The following DNAH10 variants were observed in gnomAD, a reference collection of about 807,000 sequenced individuals.
DNAH10 encodes dynein axonemal heavy chain 10.
DNAH10 carries 348 observed loss-of-function variants against 506.6 expected under a neutral mutation model. That is an observed-to-expected ratio of 0.69 (90% CI 0.63 to 0.75). DNAH10 has a LOEUF of 0.75. DNAH10 is among the 30% of genes least tolerant of loss of function. The pLI is 0.00. For synonymous variants in DNAH10, 2,059 were observed against 2,198.6 expected, an observed-to-expected ratio of 0.94 and a Z score of 1.78; for missense variants, 5,179 against 5,787.1, an observed-to-expected ratio of 0.89 and a Z score of 3.41.
In DNAH10 at chr12:123,835,389, C is replaced by CT. The variant is rs1250507236; in HGVS notation, c.4780-13dup. 2 of 1,611,782 alleles carry CT rather than the reference C, an allele frequency of 1.2e-6. No homozygotes were observed. Among genetic ancestry groups the CT allele is most frequent in the Non-Finnish European group, 1.7e-6 (2 of 1,178,932 alleles). On this transcript the variant is annotated splice_polypyrimidine_tract_variant and intron_variant, in intron 27 of 78. Transcript: ENST00000673944. ...TCTGATAACCCCTGCTGACACTGAC[C>CT]TTTTGTACATTTACAGATTTGGATG...
chr12:123,901,038 C>T (rs1193836664), intron 56 of DNAH10, among the ~76,000 whole-genome samples: 4 of 152,210 alleles, frequency 2.6e-5, no homozygotes, highest in Non-Finnish European at 5.9e-5. Flanking sequence ...GGGTGGAGTG[C>T]AAACAATCCT....
Position 123,903,230 on chromosome 12 carries a change from C to A in DNAH10, c.9815+117C>A. On this transcript the variant is annotated intron_variant, in intron 57 of 78. Transcript: ENST00000673944. This position sits in a 1 kb window ranked among gnomAD's most constrained non-coding sequence, Gnocchi z 4.6. Reference sequence around the variant, plus strand: ...GCCGATGCCACATGCTGCCACTGTGCCTGGCTCTCTCCATGGTGGAGACTG... The same window carrying A: ...GCCGATGCCACATGCTGCCACTGTGACTGGCTCTCTCCATGGTGGAGACTG... 7.7e-7 allele frequency: 1 copy of A among 1,306,084 alleles called. No individual in the cohort carries two copies. Among genetic ancestry groups the A allele is most frequent in the South Asian group, 1.5e-5 (1 of 64,666 alleles). 80.9% of individuals were successfully genotyped at this position (1,306,084 alleles called of 1,614,324 possible).
intron 25 of DNAH10, 65 bp from the exon 26 acceptor site, chr12:123,830,481 G>T: frequency 1.4e-6 from 2 of 1,434,722 alleles, no homozygotes; most frequent in Non-Finnish European, 1.9e-6. Flanking sequence ...TGATTTAAAT[G>T]GGAGTAATTG....
rs369267564 is a variant in DNAH10, at chr12:123,818,994, A to G, written c.3825A>G (p.Ile1275Met). 2.7e-5 allele frequency: 44 copies of G among 1,608,290 alleles called. No individual in the cohort carries two copies. Among genetic ancestry groups the G allele is most frequent in the Non-Finnish European group, 3.5e-5 (41 of 1,177,404 alleles). The change falls in exon 22 of 79, where the codon ATA becomes ATG. Residue 1275 changes from isoleucine to methionine, a missense_variant. Transcript: ENST00000673944. ...EKELVDKIESIWSNLFNDSVN... is the reference protein window; with the variant it reads ...EKELVDKIESMWSNLFNDSVN... ...AACTGGTTGATAAGATTGAGAGCAT[A>G]TGGTCCAATCTGTTTAATGATTCAG... is the stretch of plus-strand genomic sequence containing the variant.
intron 48 of DNAH10, among the ~76,000 whole-genome samples, 187 bp downstream of exon 48, chr12:123,878,095 A>G (rs940663380): frequency 1.7e-4 from 26 of 152,242 alleles, no homozygotes; most frequent in African/African-American, 6.3e-4. Context: ...AAGCCTTTGC[A>G]TTGAAACAGG....
rs1038110555 is a variant in DNAH10, at chr12:123,917,254, G to C, written c.11003-330G>C. On this transcript the variant is annotated intron_variant, in intron 63 of 78. Coordinates refer to ENST00000673944, the MANE Select transcript of DNAH10 (RefSeq NM_001372106.1). The surrounding 1 kb of genome is among the most constrained non-coding windows in gnomAD (Gnocchi z 5.6). ...ACTTCTGGGCTCAAGTGATCCTCCT[G>C]CCTCTGCCTCCCAAAGTGCTGGGAT... is the stretch of plus-strand genomic sequence containing the variant. Among the ~76,000 whole-genome samples, 2 of 152,064 alleles carry C rather than the reference G, an allele frequency of 1.3e-5. No homozygotes were observed. The highest frequency in any genetic ancestry group is 2.9e-5 in the Non-Finnish European group (2 of 68,034).
intron 14 of DNAH10, 76 bp from the exon 15 acceptor site, chr12:123,800,139 AC>A (rs1483057771): frequency 6.9e-7 from 1 of 1,440,776 alleles, no homozygotes; most frequent in Non-Finnish European, 9.4e-7. Context: ...TTTCATGTTC[AC>A]TTTTGGTGTG....
At chr12:123,763,887 A>G (rs1239749285) in intron 1 of DNAH10, among the ~76,000 whole-genome samples, 1 of 129,876 alleles carries the variant, frequency 7.7e-6, no homozygotes, top group Non-Finnish European at 1.6e-5. Flanking sequence ...TTTTTTTGAG[A>G]CAGAGTCTAG....
At chr12:123,908,519 T>G (rs543849281) in intron 57 of DNAH10, 2 of 456,154 alleles carry the variant, frequency 4.4e-6, no homozygotes, top group South Asian at 3.1e-5. Flanking sequence ...GAGACTCCTG[T>G]GGCTTTCACT....
At chr12:123,777,351 G>T (rs997746273) in intron 5 of DNAH10, among the ~76,000 whole-genome samples, 1 of 152,240 alleles carries the variant, frequency 6.6e-6, no homozygotes, top group Non-Finnish European at 1.5e-5. Context: ...ACTGAAGAAG[G>T]GAGGGGCCCG....
intron 24 of DNAH10, among the ~76,000 whole-genome samples, chr12:123,824,863 C>T (rs914125043): frequency 6.6e-6 from 1 of 152,088 alleles, no homozygotes; most frequent in African/African-American, 2.4e-5. Context: ...CTAACTACCT[C>T]TGCAAAGACC....
chr12:123,788,066 C>T (rs1957932811), intron 10 of DNAH10, 64 bp downstream of exon 10: 2 of 1,530,500 alleles, frequency 1.3e-6, no homozygotes, highest in Admixed American at 2.0e-5. Flanking sequence ...TTGACAGTGG[C>T]CCCCTCCGTG....
At chr12:123,898,623 AC>A in intron 55 of DNAH10, 29 bp from the exon 56 acceptor site, 1 of 1,480,990 alleles carries the variant, frequency 6.8e-7, no homozygotes, top group Non-Finnish European at 9.0e-7. Context: ...GGCCACCTCG[AC>A]GATGAACATA....
In DNAH10 at chr12:123,762,637, G is replaced by A. The variant is rs912629250; in HGVS notation, c.214+87G>A. 2.2e-6 allele frequency: 3 copies of A among 1,385,072 alleles called. No homozygotes were observed. Among genetic ancestry groups the A allele is most frequent in the African/African-American group, 3.0e-5 (2 of 67,578 alleles). The allele number at this position is 1,385,072 out of a possible 1,614,324, so 85.8% of individuals were successfully genotyped here. A position where few individuals can be genotyped will look rare whatever the true frequency, so the allele number is the denominator to read the frequency against. ...GCGGGCGCCGGGGCTGCTAGAGCCT[G>A]CCCATCGTCCGGCCCCGGCCTCAGG... On this transcript the variant is annotated intron_variant, in intron 1 of 78. Coordinates refer to ENST00000673944, the MANE Select transcript of DNAH10 (RefSeq NM_001372106.1). The surrounding 1 kb of genome is among the most constrained non-coding windows in gnomAD (Gnocchi z 5.0).
intron 62 of DNAH10, among the ~76,000 whole-genome samples, chr12:123,915,479 T>A (rs79319953): frequency 0.061 from 9,298 of 152,160 alleles, 816 homozygotes; most frequent in African/African-American, 0.19. Flanking sequence ...ATTTTTATTA[T>A]CCCTGGAAGA....
chr12:123,838,269 A>G (rs550533220), intron 28 of DNAH10, among the ~76,000 whole-genome samples, 187 bp from the exon 29 acceptor site: 1 of 152,326 alleles, frequency 6.6e-6, no homozygotes, highest in East Asian at 1.9e-4. Context: ...AGTACATTAG[A>G]AGGTGCTAAG....
chr12:123,832,209 A>G (rs1339838933), intron 26 of DNAH10, among the ~76,000 whole-genome samples: 1 of 152,220 alleles, frequency 6.6e-6, no homozygotes. Flanking sequence ...ATATATATAC[A>G]TGTATACATA....
intron 77 of DNAH10, chr12:123,934,107 G>A (rs1161182246): frequency 1.6e-6 from 1 of 613,430 alleles, no homozygotes; most frequent in East Asian, 2.8e-5. Flanking sequence ...GGCAGGGGAG[G>A]TGGCAGGTGT....
In DNAH10 at chr12:123,848,842, C is replaced by A. The variant is rs377607369; in HGVS notation, c.6062C>A (p.Thr2021Lys). The A allele has an allele frequency of 6.2e-7, 1 of 1,613,754 alleles. No homozygotes were observed. The highest frequency in any genetic ancestry group is 1.7e-5 in the Admixed American group (1 of 59,988). ...VLSVISSQIQ[T>K]IRNALIHQLT... Reference sequence around the variant, plus strand: ...TCCGTGATCTCCTCCCAGATCCAGACGATCCGAAATGCTCTGATCCATCAG... The same window carrying A: ...TCCGTGATCTCCTCCCAGATCCAGAAGATCCGAAATGCTCTGATCCATCAG... Residue 2021 changes from threonine to lysine, a missense_variant, in exon 34 of 79, where the codon ACG becomes AAG. Physicochemically the swap from Thr to Lys is moderately conservative, Grantham distance 78. Transcript: ENST00000673944.
Sources: gnomAD v4.1 joint callset for allele counts (sites outside exome capture counted in the v4.1 genomes callset) on GRCh38, gnomAD v4.1.1 for gene constraint, Gnocchi (gnomAD v3.1) non-coding constraint, MANE v1.5 for transcripts, NCBI Gene and HGNC (gene_info 2026-07-23, HGNC 2026-07-21) for gene names.